MAP3K5: variants seen among roughly 807,000 people sequenced by gnomAD.
The protein encoded by MAP3K5 is ASK-1.
A neutral mutation model predicts 158.7 loss-of-function variants in MAP3K5; 56 were observed. The observed-to-expected ratio is 0.35, with a 90% CI of 0.28 to 0.44. The LOEUF (loss-of-function observed/expected upper bound fraction) is 0.44, where lower values mean the gene tolerates loss of function less well. Among genes scored for constraint, MAP3K5 ranks in the 20% least tolerant of loss-of-function variants. The pLI is 1.00. For synonymous variants in MAP3K5, 579 were observed against 601.7 expected, an observed-to-expected ratio of 0.96 and a Z score of 0.55; for missense variants, 1,294 against 1,674.8, an observed-to-expected ratio of 0.77 and a Z score of 3.97.
chr6:136,733,375 C>T (rs1562655269), intron 1 of MAP3K5, among the ~76,000 whole-genome samples: 2 of 152,154 alleles, frequency 1.3e-5, no homozygotes, highest in Non-Finnish European at 2.9e-5. Context: ...GGGTTGTCTT[C>T]AAGTGAATCC....
intron 15 of MAP3K5, among the ~76,000 whole-genome samples, chr6:136,616,291 C>A (rs1776557290): frequency 6.7e-6 from 1 of 149,208 alleles, no homozygotes; most frequent in Admixed American, 6.8e-5. Flanking sequence ...TTGGTTCATA[C>A]CTGCTCCTCT....
intron 7 of MAP3K5, among the ~76,000 whole-genome samples, chr6:136,685,889 C>A (rs1476965382): frequency 6.6e-6 from 1 of 152,198 alleles, no homozygotes; most frequent in Non-Finnish European, 1.5e-5. Flanking sequence ...CAGCCCTCCT[C>A]CCTGTGAGCA....
chr6:136,653,132 C>T (rs986533761), intron 10 of MAP3K5, among the ~76,000 whole-genome samples: 2 of 152,170 alleles, frequency 1.3e-5, no homozygotes, highest in Non-Finnish European at 2.9e-5. Flanking sequence ...ATACGTCTCT[C>T]CTTCCTCTTT....
chr6:136,565,046 A>G (rs1281036857), intron 26 of MAP3K5, among the ~76,000 whole-genome samples: 1 of 152,216 alleles, frequency 6.6e-6, no homozygotes, highest in Non-Finnish European at 1.5e-5. Flanking sequence ...CACCTGATTC[A>G]CAAACTATTT....
intron 17 of MAP3K5, 102 bp from the exon 18 acceptor site, chr6:136,611,489 A>G (rs1776342739): frequency 4.8e-6 from 3 of 619,690 alleles, no homozygotes; most frequent in Admixed American, 4.6e-5. Flanking sequence ...GTGTCCTTAC[A>G]GCTACCAACG....
chr6:136,667,485 C>T (rs1170679960), intron 8 of MAP3K5, among the ~76,000 whole-genome samples: 1 of 151,816 alleles, frequency 6.6e-6, no homozygotes, highest in African/African-American at 2.4e-5. Flanking sequence ...CTTGGGAGGC[C>T]CAGGTGGAAG....
chr6:136,581,825 G>A (rs983671028), intron 24 of MAP3K5, among the ~76,000 whole-genome samples: 2 of 152,182 alleles, frequency 1.3e-5, no homozygotes, highest in African/African-American at 2.4e-5. Context: ...CTCACGCCCT[G>A]TAATCCCAGC....
rs1319092037 is a variant in MAP3K5, at chr6:136,561,544, T to A, written c.3976A>T (p.Thr1326Ser). The A allele has an allele frequency of 1.2e-6, 2 of 1,610,830 alleles. No homozygotes were observed. The highest frequency in any genetic ancestry group is 1.7e-5 in the Admixed American group (1 of 60,002). The change falls in exon 28 of 30, where the codon ACT becomes TCT. Residue 1326 changes from threonine (T) to serine (S), a missense_variant. Thr to Ser is a moderately conservative substitution (Grantham distance 58, BLOSUM62 1). Coordinates refer to ENST00000359015, the MANE Select transcript of MAP3K5 (RefSeq NM_005923.4). The stretch of plus-strand genomic sequence containing the variant: ...ACAGTTTTCTTTACCCGGCTTATAG[T>A]GTCTTCATCAGCTCCATTCACTCTC... ...WLRVNGADED[T>S]ISRFLAEDYT... is the part of the protein sequence containing the mutation.
chr6:136,573,734 G>C (rs1306730624), intron 25 of MAP3K5, among the ~76,000 whole-genome samples: 1 of 152,146 alleles, frequency 6.6e-6, no homozygotes, highest in Non-Finnish European at 1.5e-5. Flanking sequence ...GTAAAGCAGA[G>C]GGGACTGTCA....
chr6:136,716,707 A>G (rs1781545766), intron 2 of MAP3K5, among the ~76,000 whole-genome samples: 1 of 152,234 alleles, frequency 6.6e-6, no homozygotes, highest in Non-Finnish European at 1.5e-5. Context: ...GCATGAAATA[A>G]ATCAGAAAAT....
At chr6:136,644,543 A>C (rs1397592214) in intron 11 of MAP3K5, among the ~76,000 whole-genome samples, 1 of 152,226 alleles carries the variant, frequency 6.6e-6, no homozygotes, top group Non-Finnish European at 1.5e-5. Context: ...TAGGGCTAGA[A>C]TAGGAGCTGG....
At position 136,740,840 on chromosome 6, in the gene MAP3K5, T is replaced by A. The variant is rs140292682; in HGVS notation, c.449-20251A>T. The stretch of plus-strand genomic sequence containing the variant: ...CCAGACTTCTGAGAAGGAGCTTGAG[T>A]GCTAAATTACAAAGGGGCAATTTTC... On this transcript the variant is annotated intron_variant, in intron 1 of 29. Transcript: ENST00000359015. 6.5e-4 allele frequency among the ~76,000 whole-genome samples: 99 copies of A among 152,306 alleles called. No homozygotes were observed. In the East Asian group the frequency reaches 0.018, roughly 27 times the overall value.
chr6:136,770,494 T>C (rs556211471), intron 1 of MAP3K5, among the ~76,000 whole-genome samples: 5 of 152,340 alleles, frequency 3.3e-5, no homozygotes, highest in South Asian at 2.1e-4. Context: ...TCAATCATAG[T>C]ACATTTCAAT....
intron 19 of MAP3K5, among the ~76,000 whole-genome samples, chr6:136,604,767 C>CTT (rs67820384): frequency 1.3e-5 from 2 of 151,540 alleles, no homozygotes; most frequent in Non-Finnish European, 2.9e-5. Flanking sequence ...TAATTATGCT[C>CTT]TTTTTTTTTT....
In MAP3K5 at chr6:136,792,214, C is replaced by T. The variant is rs1235981124; in HGVS notation, c.-57G>A. On this transcript the variant is annotated 5_prime_UTR_variant, in exon 1 of 30. Transcript: ENST00000359015. This position sits in a 1 kb window ranked among gnomAD's most constrained non-coding sequence, Gnocchi z 5.7. Reference sequence around the variant, plus strand: ...TCCCCCGCCCAGCCGCACCGCCTGGCCAGCCACAGCTCGGGGCTGCTCCGC... The same window carrying T: ...TCCCCCGCCCAGCCGCACCGCCTGGTCAGCCACAGCTCGGGGCTGCTCCGC... 1 of 1,510,394 alleles carries T rather than the reference C, an allele frequency of 6.6e-7. No individual in the cohort carries two copies. Among genetic ancestry groups the T allele is most frequent in the Non-Finnish European group, 8.8e-7 (1 of 1,134,230 alleles). The allele number at this position is 1,510,394 out of a possible 1,614,324, so 93.6% of individuals were successfully genotyped here. A position where few individuals can be genotyped will look rare whatever the true frequency, so the allele number is the denominator to read the frequency against.
intron 7 of MAP3K5, among the ~76,000 whole-genome samples, chr6:136,683,792 C>T (rs896273377): frequency 9.2e-5 from 14 of 152,144 alleles, no homozygotes; most frequent in Non-Finnish European, 1.5e-4. Flanking sequence ...CTGGAAATGT[C>T]TATTCCTGGA....
intron 2 of MAP3K5, 66 bp from the exon 3 acceptor site, chr6:136,705,199 T>C: frequency 1.3e-6 from 1 of 748,828 alleles, no homozygotes; most frequent in Non-Finnish European, 2.1e-6. Context: ...CAACATTTAT[T>C]GAACTATGTG....
In MAP3K5 at chr6:136,788,873, C is replaced by T. The variant is rs113591800; in HGVS notation, c.448+2837G>A. ...CTCAAAGAACTAAGAGCTGAACTAC[C>T]GTTCGACCCAGCAATCCCATTACTA... On this transcript the variant is annotated intron_variant, in intron 1 of 29. Coordinates refer to ENST00000359015, the MANE Select transcript of MAP3K5 (RefSeq NM_005923.4). Among the ~76,000 whole-genome samples, 384 of 152,300 alleles carry T rather than the reference C, an allele frequency of 2.5e-3. 2 individuals carry two copies. The highest frequency in any genetic ancestry group is 2.8e-3 in the Non-Finnish European group (188 of 68,024).
At chr6:136,676,855 G>A (rs1232192172) in intron 7 of MAP3K5, among the ~76,000 whole-genome samples, 9 of 146,802 alleles carry the variant, frequency 6.1e-5, no homozygotes, top group South Asian at 2.1e-4. Context: ...TCAGTGGTGC[G>A]ATCTCAGCTT....
Sources: gnomAD v4.1 joint callset for allele counts (sites outside exome capture counted in the v4.1 genomes callset) on GRCh38, gnomAD v4.1.1 for gene constraint, Gnocchi (gnomAD v3.1) non-coding constraint, MANE v1.5 for transcripts, NCBI Gene and HGNC (gene_info 2026-07-23, HGNC 2026-07-21) for gene names.